Variants in DNAAF5 observed in about 807,000 individuals in gnomAD.
DNAAF5 encodes dynein axonemal assembly factor 5.
DNAAF5 carries 64 observed loss-of-function variants against 75.8 expected under a neutral mutation model. The ratio of observed to expected loss-of-function variants is 0.84; its 90% CI spans 0.69 to 1.04. The LOEUF (loss-of-function observed/expected upper bound fraction) is 1.04. DNAAF5 is among the 50% of genes least tolerant of loss of function. The probability of loss-of-function intolerance (pLI) is 0.00; values close to 1 mark genes in which losing one functional copy is unlikely to be tolerated. For synonymous variants in DNAAF5, 657 were observed against 557.2 expected (o/e 1.18, Z -2.52); for missense variants, 1,269 against 1,178.5 (o/e 1.08, Z -1.12).
intron 2 of DNAAF5, among the ~76,000 whole-genome samples, chr7:732,314 A>G (rs1330896993): frequency 6.6e-6 from 1 of 152,254 alleles, no homozygotes. Context: ...CCGGCGAGGC[A>G]GGCAGGACGG....
At chr7:758,666 A>AT (rs554139891) in intron 6 of DNAAF5, among the ~76,000 whole-genome samples, 66 of 151,728 alleles carry the variant, frequency 4.3e-4, no homozygotes, top group Non-Finnish European at 8.0e-4. Flanking sequence ...CACCTGGGTA[A>AT]TTTTTTTTTA....
At chr7:782,929 G>T (rs1452624655) in intron 12 of DNAAF5, among the ~76,000 whole-genome samples, 1 of 152,254 alleles carries the variant, frequency 6.6e-6, no homozygotes, top group Non-Finnish European at 1.5e-5. Flanking sequence ...CTCCCCTCCG[G>T]CGGCATCAGA....
chr7:764,697 C>T (rs532566446), intron 8 of DNAAF5, among the ~76,000 whole-genome samples: 2 of 152,194 alleles, frequency 1.3e-5, no homozygotes, highest in African/African-American at 2.4e-5. Flanking sequence ...GGTAGGGACT[C>T]ACCTTTTTTT....
intron 2 of DNAAF5, among the ~76,000 whole-genome samples, chr7:733,527 C>T (rs944568435): frequency 6.6e-6 from 1 of 152,076 alleles, no homozygotes; most frequent in African/African-American, 2.4e-5. Context: ...GAGACAGTCT[C>T]GCTCTGTCAT....
chr7:780,957 C>G (rs912894861), intron 12 of DNAAF5, among the ~76,000 whole-genome samples: 1 of 150,430 alleles, frequency 6.6e-6, no homozygotes, highest in Non-Finnish European at 1.5e-5. Flanking sequence ...TACTGTGATA[C>G]AGGCATGCAG....
Position 738,486 on chromosome 7 carries a change from C to T in DNAAF5, c.781-2333C>T, listed in dbSNP as rs577543658. On this transcript the variant is annotated intron_variant, in intron 2 of 12. Transcript: ENST00000297440. The stretch of plus-strand genomic sequence containing the variant: ...GCTCCTGATGCTTGTGGCTGTTGGT[C>T]GATCTTGCTAGGTATTTACTGTCAT... 6.6e-5 allele frequency among the ~76,000 whole-genome samples: 10 copies of T among 151,902 alleles called. No individual in the cohort carries two copies. The South Asian group carries it at 1.0e-3, about 16-fold the overall frequency.
At position 756,884 on chromosome 7, in the gene DNAAF5, C is replaced by T; in HGVS notation, c.1360C>T (p.Leu454=). The change falls in exon 6 of 13, where the codon CTG becomes TTG. Residue 454 remains leucine (L), a synonymous_variant. Transcript: ENST00000297440. ...GAAGACGCCCTCTGCCTCCGGCCTC[C>T]TGGTGCTGGCCTCCGCCATGCGGGG... The part of the protein sequence containing the change: ...LKKTPSASGL[L]VLASAMRGCP... The T allele has an allele frequency of 6.2e-7, 1 of 1,613,532 alleles. No individual in the cohort carries two copies. The highest frequency in any genetic ancestry group is 1.1e-5 in the South Asian group (1 of 91,088).
chr7:758,499 A>G (rs1305351342), intron 6 of DNAAF5, among the ~76,000 whole-genome samples: 2 of 152,250 alleles, frequency 1.3e-5, no homozygotes, highest in Non-Finnish European at 2.9e-5. Context: ...TCAACCTTCC[A>G]GGCTGCGAAC....
chr7:769,271 C>T (rs762417017), intron 8 of DNAAF5: 11 of 712,508 alleles, frequency 1.5e-5, no homozygotes, highest in Admixed American at 4.0e-5. Flanking sequence ...GCCAGAGCGC[C>T]TCCTTCTGCG....
rs1192480227 is a variant in DNAAF5 at position 770,524 on chromosome 7, C to T, written c.1837C>T (p.Leu613=). 4 of 1,613,928 alleles carry T rather than the reference C, an allele frequency of 2.5e-6. No individual in the cohort carries two copies. The highest frequency in any genetic ancestry group is 3.4e-6 in the Non-Finnish European group (4 of 1,179,992). Residue 613 remains leucine, a synonymous_variant, in exon 9 of 13, where the codon CTG becomes TTG. Transcript: ENST00000297440. The part of the protein sequence containing the change: ...PHVVPTLRAC[L]QPSQDPQMRL... ...CGTCGTGCCCACGCTGAGGGCCTGT[C>T]TGCAGCCCTCCCAAGACCCGCAGAT...
At position 745,427 on chromosome 7, in the gene DNAAF5, TAC is replaced by T. The variant is rs767410019; in HGVS notation, c.1024+3976_1024+3977del. 4.0e-3 allele frequency among the ~76,000 whole-genome samples: 506 copies of T among 125,398 alleles called. 2 individuals carry two copies. Among genetic ancestry groups the T allele is most frequent in the African/African-American group, 0.013 (442 of 33,470 alleles). The allele number at this position is 125,398 out of a possible 152,430, so 82.3% of individuals were successfully genotyped here. A position where few individuals can be genotyped will look rare whatever the true frequency, so the allele number is the denominator to read the frequency against. On this transcript the variant is annotated intron_variant, in intron 4 of 12. Coordinates refer to ENST00000297440, the MANE Select transcript of DNAAF5 (RefSeq NM_017802.4). ...GAAGACAGAGCGAGGCGCACACGCA[TAC>T]ACACACACACACATATTCACATGCA... is the stretch of plus-strand genomic sequence containing the variant.
chr7:728,196 C>T (rs1194834903), intron 1 of DNAAF5, among the ~76,000 whole-genome samples: 1 of 152,180 alleles, frequency 6.6e-6, no homozygotes, highest in East Asian at 1.9e-4. Flanking sequence ...CCCTTTCCCT[C>T]CCCTGGCTGG....
chr7:774,966 G>A (rs763300270), intron 10 of DNAAF5, 40 bp from the exon 11 acceptor site: 7 of 1,609,092 alleles, frequency 4.4e-6, no homozygotes, highest in African/African-American at 1.3e-5. Context: ...CCCACCCCAG[G>A]ACAGATGTGA....
chr7:768,132 C>G (rs1377282942), intron 8 of DNAAF5, among the ~76,000 whole-genome samples: 1 of 101,354 alleles, frequency 9.9e-6, no homozygotes, highest in Non-Finnish European at 2.0e-5. Context: ...GCGGAAGTGT[C>G]CATGCTGCGA....
At position 769,139 on chromosome 7, in the gene DNAAF5, C is replaced by T. The variant is rs376456787; in HGVS notation, c.1784-1332C>T. On this transcript the variant is annotated intron_variant, in intron 8 of 12. Coordinates refer to ENST00000297440, the MANE Select transcript of DNAAF5 (RefSeq NM_017802.4). ...GGGGTCTCAGTCCACTACCGAGCAG[C>T]CTGCTCTGATGACTGGCGGCGCCAG... The T allele has an allele frequency of 1.1e-4, 82 of 770,352 alleles. No homozygotes were observed. In the African/African-American group the frequency reaches 1.3e-3, roughly 12 times the overall value. The allele number at this position is 770,352 out of a possible 1,614,324, so 47.7% of individuals were successfully genotyped here.
chr7:755,259 C>T (rs1175019508), intron 5 of DNAAF5, among the ~76,000 whole-genome samples: 2 of 152,152 alleles, frequency 1.3e-5, no homozygotes, highest in South Asian at 2.1e-4. Flanking sequence ...GGGTGTCCTG[C>T]GAGTGGTGTC....
intron 8 of DNAAF5, chr7:768,986 T>G: frequency 1.7e-6 from 1 of 593,890 alleles, no homozygotes; most frequent in Non-Finnish European, 3.1e-6. Context: ...CCCAGCAGCT[T>G]CGGTGCAACG....
chr7:756,788 A>G lies in DNAAF5; in HGVS notation c.1264A>G (p.Arg422Gly), dbSNP rs1782498469. ...TCATGTTTCTTTCTCGCAGTGTACCAGATCCGCAGAGCTCGTCGGGACGTT... is the reference window on the plus strand; with the variant it reads ...TCATGTTTCTTTCTCGCAGTGTACCGGATCCGCAGAGCTCGTCGGGACGTT... Reference protein sequence around the residue: ...EEAAVVQSCTRSAELVGTFVS... With the variant: ...EEAAVVQSCTGSAELVGTFVS... The change falls in exon 6 of 13, where the codon AGA (arginine) becomes GGA (glycine). Residue 422 changes from arginine to glycine, a missense_variant. Arg to Gly is a moderately radical substitution (Grantham distance 125). Coordinates refer to ENST00000297440, the MANE Select transcript of DNAAF5 (RefSeq NM_017802.4). The G allele has an allele frequency of 6.2e-7, 1 of 1,613,452 alleles. No individual in the cohort carries two copies. Among genetic ancestry groups the G allele is most frequent in the African/African-American group, 1.3e-5 (1 of 74,936 alleles).
At chr7:739,482 T>A (rs961536734) in intron 2 of DNAAF5, among the ~76,000 whole-genome samples, 4 of 152,198 alleles carry the variant, frequency 2.6e-5, no homozygotes, top group African/African-American at 9.7e-5. Flanking sequence ...CTCTTAGTTG[T>A]TATCTGGGCA....
Sources: gnomAD v4.1 joint callset for allele counts (sites outside exome capture counted in the v4.1 genomes callset) on GRCh38, gnomAD v4.1.1 for gene constraint, MANE v1.5 for transcripts, NCBI Gene and HGNC (gene_info 2026-07-23, HGNC 2026-07-21) for gene names.